The following RBFOX1 variants were observed in gnomAD, a reference collection of about 807,000 sequenced individuals.
RBFOX1 encodes the protein RNA binding fox-1 homolog 1.
RBFOX1 carries 8 observed loss-of-function variants against 57.7 expected under a neutral mutation model. The observed-to-expected ratio is 0.14, with a 90% CI of 0.08 to 0.25. The LOEUF (loss-of-function observed/expected upper bound fraction) is 0.25. Among genes scored for constraint, RBFOX1 ranks in the 10% least tolerant of loss-of-function variants. The pLI, the probability that RBFOX1 is intolerant of heterozygous loss-of-function variation, is 1.00. For missense variants in RBFOX1, 611 were observed against 548.5 expected (o/e 1.11, Z -1.14); for synonymous variants, 326 against 222.4 (o/e 1.47, Z -4.15).
intron 1 of RBFOX1, among the ~76,000 whole-genome samples, chr16:5,417,294 G>T (rs979262134): frequency 6.6e-6 from 1 of 152,214 alleles, no homozygotes; most frequent in Non-Finnish European, 1.5e-5. Context: ...GTAATTTAAT[G>T]AGAAGAAGCT....
intron 3 of RBFOX1, among the ~76,000 whole-genome samples, chr16:5,634,314 A>G (rs2048614874): frequency 6.6e-6 from 1 of 152,232 alleles, no homozygotes; most frequent in African/African-American, 2.4e-5. Flanking sequence ...TCCATACTTT[A>G]TACAGAGTGG....
intron 4 of RBFOX1, among the ~76,000 whole-genome samples, chr16:7,344,499 T>A (rs780285482): frequency 3.1e-4 from 47 of 150,798 alleles, no homozygotes; most frequent in Non-Finnish European, 6.1e-4. Flanking sequence ...AGTTATAGGA[T>A]AATTATATAT....
chr16:7,302,041 CCACTGCCAG>C (rs2096047619), intron 4 of RBFOX1, among the ~76,000 whole-genome samples: 1 of 152,146 alleles, frequency 6.6e-6, no homozygotes, highest in South Asian at 2.1e-4. Flanking sequence ...TTCAAACTAA[CCACTGCCAG>C]CACCCCCCAA....
chr16:7,442,675 G>A (rs994008863), intron 4 of RBFOX1, among the ~76,000 whole-genome samples: 2 of 152,116 alleles, frequency 1.3e-5, no homozygotes, highest in Admixed American at 6.5e-5. Context: ...GCAGTAGAGA[G>A]TGCAAAGTTG....
At chr16:7,084,930 C>G (rs905073739) in intron 4 of RBFOX1, among the ~76,000 whole-genome samples, 1 of 152,158 alleles carries the variant, frequency 6.6e-6, no homozygotes, top group Non-Finnish European at 1.5e-5. Context: ...ATCCATTTGT[C>G]CATCCATGCA....
At chr16:7,577,348 C>A (rs2152819615) in intron 5 of RBFOX1, among the ~76,000 whole-genome samples, 1 of 152,276 alleles carries the variant, frequency 6.6e-6, no homozygotes, top group South Asian at 2.1e-4. Context: ...GCCTTCCCTT[C>A]ATACATGCCT....
At chr16:6,487,067 G>C (rs2095499474) in intron 2 of RBFOX1, among the ~76,000 whole-genome samples, 1 of 151,802 alleles carries the variant, frequency 6.6e-6, no homozygotes, top group Non-Finnish European at 1.5e-5. Flanking sequence ...GTCCCAAACA[G>C]TTTTCAGGGT....
chr16:5,397,551 T>A (rs2066595764), intron 1 of RBFOX1, among the ~76,000 whole-genome samples: 1 of 152,072 alleles, frequency 6.6e-6, no homozygotes, highest in Non-Finnish European at 1.5e-5. Flanking sequence ...CTAAAGACAC[T>A]GATTAAAGAT....
intron 4 of RBFOX1, among the ~76,000 whole-genome samples, chr16:7,348,369 G>A (rs1489113465): frequency 6.6e-6 from 1 of 151,838 alleles, no homozygotes; most frequent in African/African-American, 2.4e-5. Flanking sequence ...GTTTTTAATA[G>A]GAACACCTTT....
At chr16:6,257,461 G>C (rs1324110658) in intron 1 of RBFOX1, among the ~76,000 whole-genome samples, 1 of 151,982 alleles carries the variant, frequency 6.6e-6, no homozygotes, top group Non-Finnish European at 1.5e-5. Flanking sequence ...CACACGTGCA[G>C]GTTTGTTACA....
intron 3 of RBFOX1, among the ~76,000 whole-genome samples, chr16:5,840,353 A>T (rs2056587890): frequency 6.6e-6 from 1 of 152,150 alleles, no homozygotes; most frequent in South Asian, 2.1e-4. Context: ...ACAAAGCCAC[A>T]CCCAGAGAGG....
chr16:6,975,819 G>C (rs1205890528), intron 3 of RBFOX1, among the ~76,000 whole-genome samples: 1 of 152,066 alleles, frequency 6.6e-6, no homozygotes, highest in Non-Finnish European at 1.5e-5. Flanking sequence ...AATGGTAATG[G>C]TAATAATAGT....
intron 4 of RBFOX1, among the ~76,000 whole-genome samples, chr16:7,498,490 A>T (rs1340146944): frequency 6.6e-6 from 1 of 152,282 alleles, no homozygotes; most frequent in South Asian, 2.1e-4. Context: ...AGGCAAAACA[A>T]AATGCGTGAT....
At chr16:6,841,737 C>T (rs1276869611) in intron 3 of RBFOX1, among the ~76,000 whole-genome samples, 1 of 152,058 alleles carries the variant, frequency 6.6e-6, no homozygotes, top group African/African-American at 2.4e-5. Flanking sequence ...TGGATGTGGT[C>T]CCACCTCTAC....
chr16:6,854,587 ATTTTTTTTTTTTT>A (rs71147611), intron 3 of RBFOX1, among the ~76,000 whole-genome samples: 2 of 70,650 alleles, frequency 2.8e-5, no homozygotes, highest in Admixed American at 3.9e-4. Context: ...GGAGAGGTGA[ATTTTTTTTTTTTT>A]TTTTTTTTTT....
intron 4 of RBFOX1, among the ~76,000 whole-genome samples, chr16:7,428,494 T>TTATTATTA (rs2098645152): frequency 7.8e-6 from 1 of 128,732 alleles, no homozygotes; most frequent in African/African-American, 2.9e-5. Flanking sequence ...TCCTGGCTAT[T>TTATTATTA]TTATTATTAT....
intron 2 of RBFOX1, among the ~76,000 whole-genome samples, chr16:6,477,449 GT>G (rs2095291337): frequency 6.6e-6 from 1 of 152,194 alleles, no homozygotes; most frequent in African/African-American, 2.4e-5. Context: ...GTGACCAGAT[GT>G]GTTGTCAATG....
rs1567216596 is a variant in RBFOX1 at position 6,780,388 on chromosome 16, T to TTTA, written c.-16+125739_-16+125740insTAT. On this transcript the variant is annotated intron_variant, in intron 3 of 15. Coordinates refer to ENST00000550418, the MANE Select transcript of RBFOX1 (RefSeq NM_018723.4). ...ATATTTATAGATATATTTATACATATTATATATATTTTTATATATATTTAT... is the reference window on the plus strand; with the variant it reads ...ATATTTATAGATATATTTATACATATTTATATATATATTTTTATATATATTTAT... Among the ~76,000 whole-genome samples, 42 of 86,316 alleles carry TTTA rather than the reference T, an allele frequency of 4.9e-4. 1 individual carries two copies. The highest frequency in any genetic ancestry group is 1.7e-3 in the African/African-American group (33 of 18,916). 56.6% of individuals were successfully genotyped at this position (86,316 alleles called of 152,430 possible).
At chr16:7,028,270 A>C (rs1381121993) in intron 3 of RBFOX1, among the ~76,000 whole-genome samples, 3 of 152,122 alleles carry the variant, frequency 2.0e-5, no homozygotes, top group African/African-American at 7.2e-5. Context: ...GCCATTTTCT[A>C]ATCAAATTGG....
Sources: allele counts gnomAD v4.1 joint callset (sites outside exome capture counted in the v4.1 genomes callset), GRCh38; gene constraint gnomAD v4.1.1; transcripts MANE v1.5; gene names NCBI Gene and HGNC (gene_info 2026-07-23, HGNC 2026-07-21).